Variants in KALRN observed in about 807,000 individuals in gnomAD.
The protein encoded by KALRN is kalirin.
A neutral mutation model predicts 353.7 loss-of-function variants in KALRN; 70 were observed. That is an observed-to-expected ratio of 0.20 (90% CI 0.16 to 0.24). The LOEUF is 0.24. Among genes scored for constraint, KALRN ranks in the 10% least tolerant of loss-of-function variants. KALRN has a pLI of 1.00. For synonymous variants in KALRN, 1,391 were observed against 1,434.8 expected (o/e 0.97, Z 0.69); for missense variants, 2,791 against 3,756.7 (o/e 0.74, Z 6.72).
chr3:124,176,524 G>A (rs144144327), intron 1 of KALRN, among the ~76,000 whole-genome samples: 217 of 152,276 alleles, frequency 1.4e-3, no homozygotes, highest in Non-Finnish European at 2.5e-3. Flanking sequence ...GGATAAAGCA[G>A]CTGCTCGTGC....
chr3:124,692,928 G>A (rs1484466294), intron 51 of KALRN, among the ~76,000 whole-genome samples: 3 of 152,290 alleles, frequency 2.0e-5, no homozygotes, highest in East Asian at 3.9e-4. Flanking sequence ...AAGATGGGGG[G>A]AAAAGTGACC....
At chr3:124,187,716 TAAAAG>T (rs1162086336) in intron 1 of KALRN, among the ~76,000 whole-genome samples, 4 of 152,044 alleles carry the variant, frequency 2.6e-5, no homozygotes, top group Admixed American at 1.3e-4. Flanking sequence ...CAAGGTGAAA[TAAAAG>T]AAAGGGAACA....
chr3:124,330,753 C>G (rs1028263241), intron 8 of KALRN, among the ~76,000 whole-genome samples: 4 of 152,164 alleles, frequency 2.6e-5, no homozygotes, highest in Non-Finnish European at 5.9e-5. Flanking sequence ...ATTAAGGAAG[C>G]TGGATGAGGA....
chr3:124,184,277 T>C (rs2073952221), intron 1 of KALRN, among the ~76,000 whole-genome samples: 1 of 152,230 alleles, frequency 6.6e-6, no homozygotes, highest in African/African-American at 2.4e-5. Context: ...TTAATTGTAA[T>C]ACTACCTCAT....
intron 1 of KALRN, among the ~76,000 whole-genome samples, chr3:124,147,984 A>G (rs957233912): frequency 2.0e-5 from 3 of 152,148 alleles, no homozygotes; most frequent in Admixed American, 6.5e-5. Flanking sequence ...TGGGGCCTTT[A>G]GTGAGGAAGA....
intron 34 of KALRN, among the ~76,000 whole-genome samples, chr3:124,579,696 G>C (rs1370437592): frequency 1.3e-5 from 2 of 152,168 alleles, no homozygotes; most frequent in Non-Finnish European, 2.9e-5. Flanking sequence ...CATTCTCGGA[G>C]AGCTTCTTCC....
At chr3:124,388,351 ACTT>A (rs2088763704) in intron 11 of KALRN, among the ~76,000 whole-genome samples, 1 of 151,748 alleles carries the variant, frequency 6.6e-6, no homozygotes, top group Admixed American at 6.6e-5. Flanking sequence ...TTTTTCTTGA[ACTT>A]CTTCATGGGT....
intron 1 of KALRN, among the ~76,000 whole-genome samples, chr3:124,082,530 A>G (rs566111251): frequency 3.9e-5 from 6 of 152,328 alleles, no homozygotes; most frequent in African/African-American, 7.2e-5. Context: ...CCTAAAAAAC[A>G]TAGTGAGGAA....
At chr3:124,664,764 GA>G (rs1478924733) in intron 45 of KALRN, among the ~76,000 whole-genome samples, 1 of 152,156 alleles carries the variant, frequency 6.6e-6, no homozygotes, top group African/African-American at 2.4e-5. Flanking sequence ...CAAGCCACCA[GA>G]ACCTGCTTTT....
chr3:124,626,100 A>G (rs747909076), intron 34 of KALRN, among the ~76,000 whole-genome samples: 1 of 152,094 alleles, frequency 6.6e-6, no homozygotes, highest in Non-Finnish European at 1.5e-5. Context: ...AAAAATTAAC[A>G]TGAATGAACT....
At chr3:124,252,631 A>G (rs2071334435) in intron 3 of KALRN, among the ~76,000 whole-genome samples, 1 of 152,168 alleles carries the variant, frequency 6.6e-6, no homozygotes. Flanking sequence ...AAAGACACTA[A>G]CTCTTTGGAA....
chr3:124,069,245 G>T (rs1208613847), intron 1 of KALRN, among the ~76,000 whole-genome samples: 2 of 149,338 alleles, frequency 1.3e-5, no homozygotes, highest in Non-Finnish European at 3.0e-5. Flanking sequence ...TAGTCTATTT[G>T]TCTATTTCTG....
chr3:124,371,017 T>C (rs762837631), intron 10 of KALRN, among the ~76,000 whole-genome samples: 1 of 152,228 alleles, frequency 6.6e-6, no homozygotes, highest in African/African-American at 2.4e-5. Context: ...CCCCATAAAC[T>C]TTTTATAAAG....
intron 47 of KALRN, 36 bp downstream of exon 47, chr3:124,667,219 C>CA: frequency 1.3e-6 from 2 of 1,583,928 alleles, no homozygotes; most frequent in Non-Finnish European, 1.7e-6. Context: ...AGGGCTGTGT[C>CA]AGGGGACTCC....
At chr3:124,202,333 C>A (rs570678793) in intron 1 of KALRN, among the ~76,000 whole-genome samples, 124 of 152,276 alleles carry the variant, frequency 8.1e-4, no homozygotes, top group African/African-American at 2.9e-3. Flanking sequence ...TCACTGCAGC[C>A]TCAACCTCCC....
intron 1 of KALRN, among the ~76,000 whole-genome samples, chr3:124,183,121 A>G (rs773983973): frequency 1.2e-4 from 18 of 152,294 alleles, no homozygotes; most frequent in Non-Finnish European, 2.2e-4. Flanking sequence ...CCCTAACCCA[A>G]TCTGACTGAT....
chr3:124,635,460 T>A (rs1057383651), intron 36 of KALRN, among the ~76,000 whole-genome samples: 1 of 152,190 alleles, frequency 6.6e-6, no homozygotes, highest in African/African-American at 2.4e-5. Flanking sequence ...GTGTAGCCTT[T>A]TCCTTATGCA....
intron 51 of KALRN, among the ~76,000 whole-genome samples, chr3:124,688,816 G>C (rs1016002148): frequency 2.0e-5 from 3 of 152,184 alleles, no homozygotes; most frequent in Non-Finnish European, 4.4e-5. Flanking sequence ...AAGGAAAATA[G>C]ACGCCAAGAT....
chr3:124,605,847 C>T (rs1388345101), intron 34 of KALRN, among the ~76,000 whole-genome samples: 4 of 152,134 alleles, frequency 2.6e-5, no homozygotes, highest in Admixed American at 6.5e-5. Flanking sequence ...TAAACAAGAA[C>T]GGAGTAGCAC....
Sources: gnomAD v4.1 joint callset for allele counts (sites outside exome capture counted in the v4.1 genomes callset) on GRCh38, gnomAD v4.1.1 for gene constraint, MANE v1.5 for transcripts, NCBI Gene and HGNC (gene_info 2026-07-23, HGNC 2026-07-21) for gene names.